TMEFF2: variants seen among roughly 807,000 people sequenced by gnomAD.
TMEFF2 encodes the protein transmembrane protein with EGF like and two follistatin like domains 2, also known as tomoregulin-2.
TMEFF2 carries 28 observed loss-of-function variants against 53.8 expected under a neutral mutation model. The observed-to-expected ratio is 0.52, with a 90% confidence interval of 0.39 to 0.71. The LOEUF (loss-of-function observed/expected upper bound fraction) is 0.71, where lower values mean the gene tolerates loss of function less well. Ranked by LOEUF, TMEFF2 falls within the 30% of genes least tolerant of loss-of-function variation. The pLI is 0.00. For synonymous variants in TMEFF2, 162 were observed against 166.3 expected (o/e 0.97, Z 0.20); for missense variants, 353 against 455.2 (o/e 0.78, Z 2.04).
chr2:192,097,465 A>G (rs939816280), intron 4 of TMEFF2, among the ~76,000 whole-genome samples: 6 of 152,276 alleles, frequency 3.9e-5, no homozygotes, highest in African/African-American at 1.4e-4. Flanking sequence ...AATTTAGACA[A>G]TAATTCACCC....
At chr2:192,159,390 T>A (rs886771332) in intron 4 of TMEFF2, among the ~76,000 whole-genome samples, 15 of 152,150 alleles carry the variant, frequency 9.9e-5, no homozygotes, top group Non-Finnish European at 7.4e-5. Context: ...GTAACCAGAT[T>A]GGCTCATTAA....
At chr2:192,172,222 G>T (rs1690933559) in intron 4 of TMEFF2, among the ~76,000 whole-genome samples, 1 of 149,140 alleles carries the variant, frequency 6.7e-6, no homozygotes, top group African/African-American at 2.5e-5. Flanking sequence ...TTTTTTAACT[G>T]CACCAATTCA....
chr2:191,994,439 T>G (rs1035929347), intron 7 of TMEFF2, among the ~76,000 whole-genome samples: 2 of 151,658 alleles, frequency 1.3e-5, no homozygotes, highest in African/African-American at 2.4e-5. Flanking sequence ...ATAGCCTTTT[T>G]TTTTTTGAAG....
chr2:192,075,305 A>ATTTATATATATATATATATATATATATT (rs1559115057), intron 4 of TMEFF2, among the ~76,000 whole-genome samples: 1 of 27,958 alleles, frequency 3.6e-5, no homozygotes, highest in African/African-American at 7.8e-5. Context: ...ATATATATAT[A>ATTTATATATATATATATATATATATATT]TATATATATA....
At chr2:192,076,479 C>T (rs1439833308) in intron 4 of TMEFF2, among the ~76,000 whole-genome samples, 1 of 152,254 alleles carries the variant, frequency 6.6e-6, no homozygotes, top group East Asian at 1.9e-4. Flanking sequence ...ACCAATCTCT[C>T]TAGCGTCTTC....
At chr2:191,976,198 A>G (rs1288519999) in intron 7 of TMEFF2, among the ~76,000 whole-genome samples, 7 of 152,212 alleles carry the variant, frequency 4.6e-5, no homozygotes, top group Admixed American at 3.9e-4. Context: ...ATGGGGCCCA[A>G]ATCAAGTCAA....
chr2:192,000,639 T>A (rs916082257), intron 5 of TMEFF2, among the ~76,000 whole-genome samples: 1 of 152,174 alleles, frequency 6.6e-6, no homozygotes, highest in African/African-American at 2.4e-5. Context: ...ATCAGTCTGT[T>A]GATTGAGAGA....
intron 4 of TMEFF2, among the ~76,000 whole-genome samples, chr2:192,123,250 T>G (rs1194048978): frequency 6.6e-6 from 1 of 152,190 alleles, no homozygotes; most frequent in East Asian, 1.9e-4. Flanking sequence ...GCAGCATCTG[T>G]TTTTCACATT....
chr2:192,150,695 G>GTTTT (rs11375610), intron 4 of TMEFF2, among the ~76,000 whole-genome samples: 1 of 143,702 alleles, frequency 7.0e-6, no homozygotes, highest in Non-Finnish European at 1.5e-5. Context: ...GACACTTCAT[G>GTTTT]TTTTTTTTTT....
At chr2:192,013,484 T>G (rs1686677521) in intron 5 of TMEFF2, among the ~76,000 whole-genome samples, 1 of 151,470 alleles carries the variant, frequency 6.6e-6, no homozygotes, top group Non-Finnish European at 1.5e-5. Context: ...ACAGTCTCGC[T>G]CTATCCCCCA....
At chr2:192,015,308 C>CTTTTTTTTT (rs34696715) in intron 5 of TMEFF2, among the ~76,000 whole-genome samples, 26 of 76,274 alleles carry the variant, frequency 3.4e-4, no homozygotes, top group Admixed American at 6.0e-4. Flanking sequence ...ATCACTGAAG[C>CTTTTTTTTT]TTTTTTTTTT....
chr2:191,968,532 A>G (rs1692533227), intron 7 of TMEFF2, among the ~76,000 whole-genome samples: 1 of 152,186 alleles, frequency 6.6e-6, no homozygotes, highest in Admixed American at 6.5e-5. Context: ...GACATAGAAC[A>G]TGCTCTTTAG....
intron 4 of TMEFF2, among the ~76,000 whole-genome samples, chr2:192,170,770 G>T (rs1174277316): frequency 6.6e-6 from 1 of 151,970 alleles, no homozygotes; most frequent in East Asian, 1.9e-4. Flanking sequence ...AAAATTAAAA[G>T]ATTTTTCAGA....
In TMEFF2 at chr2:191,955,524, ATTT is replaced by A. The variant is rs71405028; in HGVS notation, c.869+728_869+730del. ...TGCCACCGTGCCTGGCTAATTCTTA[ATTT>A]TTTTTTTTTTTTTTTTTTTTTAGAG... is the stretch of plus-strand genomic sequence containing the variant. On this transcript the variant is annotated intron_variant, in intron 8 of 9. Transcript: ENST00000272771. Among the ~76,000 whole-genome samples, 192 of 60,294 alleles carry A rather than the reference ATTT, an allele frequency of 3.2e-3. 3 individuals carry two copies. Among genetic ancestry groups the A allele is most frequent in the Middle Eastern group, 0.015 (1 of 66 alleles). 39.6% of individuals were successfully genotyped at this position (60,294 alleles called of 152,430 possible).
rs149461066 is a variant in TMEFF2, at chr2:192,015,412, C to A, written c.537-16204G>T. ...TTGGTCCATTCAGCTACATAATCTG[C>A]GATATGTGTGCCCCTTTAAAATAAT... is the stretch of plus-strand genomic sequence containing the variant. On this transcript the variant is annotated intron_variant, in intron 5 of 9. Transcript: ENST00000272771. Among the ~76,000 whole-genome samples the A allele has an allele frequency of 2.7e-3, 379 of 140,488 alleles. 4 individuals carry two copies. The highest frequency in any genetic ancestry group is 0.015 in the Admixed American group (183 of 12,560). The allele number at this position is 140,488 out of a possible 152,430, so 92.2% of individuals were successfully genotyped here. A position where few individuals can be genotyped will look rare whatever the true frequency, so the allele number is the denominator to read the frequency against.
intron 8 of TMEFF2, among the ~76,000 whole-genome samples, chr2:191,954,804 G>A (rs958611846): frequency 5.9e-5 from 9 of 152,124 alleles, no homozygotes; most frequent in Non-Finnish European, 1.0e-4. Flanking sequence ...CAACCCTCAT[G>A]GAAAGCTCAG....
intron 5 of TMEFF2, among the ~76,000 whole-genome samples, chr2:192,027,100 A>C (rs982403114): frequency 8.5e-5 from 13 of 152,226 alleles, no homozygotes; most frequent in Non-Finnish European, 1.8e-4. Flanking sequence ...GTCAGAAAAA[A>C]TCCATGTTTA....
chr2:192,171,002 T>A lies in TMEFF2; in HGVS notation c.439+8666A>T, dbSNP rs558980566. ...CCTATAATATGTATTGTTCATTTAG[T>A]ACATTGAAAGAAAAAGCTGTATTTT... On this transcript the variant is annotated intron_variant, in intron 4 of 9. Transcript: ENST00000272771. 2.8e-4 allele frequency among the ~76,000 whole-genome samples: 42 copies of A among 152,242 alleles called. No homozygotes were observed. In the East Asian group the frequency reaches 8.1e-3, roughly 29 times the overall value.
chr2:192,058,874 A>C (rs1246420155), intron 4 of TMEFF2, among the ~76,000 whole-genome samples: 1 of 152,200 alleles, frequency 6.6e-6, no homozygotes, highest in African/African-American at 2.4e-5. Flanking sequence ...GTCTTTATGA[A>C]CATTTTAAAC....
Sources: allele counts gnomAD v4.1 joint callset (sites outside exome capture counted in the v4.1 genomes callset), GRCh38; gene constraint gnomAD v4.1.1; transcripts MANE v1.5; gene names NCBI Gene and HGNC (gene_info 2026-07-23, HGNC 2026-07-21).